DCLK1: variants seen among roughly 807,000 people sequenced by gnomAD.
DCLK1 encodes doublecortin like kinase 1, also known as serine/threonine-protein kinase DCLK1.
DCLK1 carries 16 observed loss-of-function variants against 86.2 expected under a neutral mutation model. The observed-to-expected ratio is 0.19, with a 90% CI of 0.13 to 0.28. The LOEUF is 0.28. DCLK1 is among the 10% of genes least tolerant of loss of function. DCLK1 has a pLI of 1.00. For missense variants in DCLK1, 590 were observed against 940.2 expected, an observed-to-expected ratio of 0.63 and a Z score of 4.87; for synonymous variants, 369 against 370.5, an observed-to-expected ratio of 1.00 and a Z score of 0.05.
At chr13:36,118,821 C>T (rs1464331292) in intron 2 of DCLK1, among the ~76,000 whole-genome samples, 1 of 152,128 alleles carries the variant, frequency 6.6e-6, no homozygotes, top group Non-Finnish European at 1.5e-5. Context: ...GCTGGGAAGT[C>T]CAAGATCAAG....
chr13:35,869,157 G>C, intron 5 of DCLK1: 1 of 506,878 alleles, frequency 2.0e-6, no homozygotes, highest in South Asian at 1.5e-5. Context: ...ATCCTCCACA[G>C]AGCTCAATAT....
intron 1 of DCLK1, among the ~76,000 whole-genome samples, chr13:36,130,818 C>T (rs957165249): frequency 2.0e-5 from 3 of 152,202 alleles, no homozygotes; most frequent in Non-Finnish European, 2.9e-5. Flanking sequence ...CCACTAACAA[C>T]GCGAAAAGCC....
At chr13:35,928,015 G>C (rs1876223900) in intron 4 of DCLK1, among the ~76,000 whole-genome samples, 1 of 152,188 alleles carries the variant, frequency 6.6e-6, no homozygotes, top group Non-Finnish European at 1.5e-5. Context: ...ACCCCTGTCT[G>C]TCGCTTCAAC....
chr13:35,908,985 A>G (rs943577448), intron 4 of DCLK1, among the ~76,000 whole-genome samples: 2 of 152,202 alleles, frequency 1.3e-5, no homozygotes, highest in Non-Finnish European at 2.9e-5. Flanking sequence ...GCAATTTTTT[A>G]AAAAGATGTA....
chr13:35,946,721 T>C (rs1479245784), intron 4 of DCLK1, among the ~76,000 whole-genome samples: 6 of 152,204 alleles, frequency 3.9e-5, no homozygotes, highest in Admixed American at 6.5e-5. Flanking sequence ...AGTGCTAAGA[T>C]TCTCAGATGA....
At chr13:35,807,079 T>A (rs1111726) in intron 14 of DCLK1, among the ~76,000 whole-genome samples, 1 of 152,042 alleles carries the variant, frequency 6.6e-6, no homozygotes, top group African/African-American at 2.4e-5. Flanking sequence ...CTCAAATTTT[T>A]AAACATTTAA....
intron 3 of DCLK1, among the ~76,000 whole-genome samples, chr13:36,085,248 T>G (rs1336399595): frequency 2.6e-5 from 4 of 152,216 alleles, no homozygotes; most frequent in African/African-American, 9.7e-5. Flanking sequence ...AATACATTTA[T>G]GCTGTAAACA....
intron 3 of DCLK1, among the ~76,000 whole-genome samples, chr13:36,049,279 T>C (rs1229026317): frequency 9.2e-5 from 14 of 152,184 alleles, no homozygotes; most frequent in Non-Finnish European, 1.5e-5. Context: ...TTAAGAAACA[T>C]GAGCATATTC....
At chr13:35,885,943 A>C (rs1873202658) in intron 4 of DCLK1, among the ~76,000 whole-genome samples, 1 of 151,988 alleles carries the variant, frequency 6.6e-6, no homozygotes, top group Non-Finnish European at 1.5e-5. Flanking sequence ...GAGATGTAAA[A>C]TTATAGTAGC....
At position 35,800,662 on chromosome 13, in the gene DCLK1, C is replaced by T. The variant is rs117371325; in HGVS notation, c.1944+5037G>A. On this transcript the variant is annotated intron_variant, in intron 15 of 16. Transcript: ENST00000360631. ...CGGAGTAGGTTTTCCTTTCTGCTGC[C>T]CTATGCTTTACTGTCTATTTTATAT... Among the ~76,000 whole-genome samples, 10 of 152,040 alleles carry T rather than the reference C, an allele frequency of 6.6e-5. No individual in the cohort carries two copies. The East Asian group carries it at 1.9e-3, about 29-fold the overall frequency.
At chr13:35,970,505 G>A (rs182679600) in intron 3 of DCLK1, among the ~76,000 whole-genome samples, 67 of 152,316 alleles carry the variant, frequency 4.4e-4, no homozygotes, top group African/African-American at 1.2e-3. Flanking sequence ...TGATTAGGCC[G>A]TGATGGTTCA....
chr13:35,943,695 T>C (rs941602820), intron 4 of DCLK1, among the ~76,000 whole-genome samples: 1 of 152,140 alleles, frequency 6.6e-6, no homozygotes, highest in Admixed American at 6.6e-5. Context: ...TGGACAAGAA[T>C]TGATATCCAG....
intron 3 of DCLK1, among the ~76,000 whole-genome samples, chr13:36,017,183 T>C (rs949381412): frequency 6.6e-6 from 1 of 152,206 alleles, no homozygotes; most frequent in African/African-American, 2.4e-5. Context: ...TCATAGCAAC[T>C]TTTAATACAG....
intron 3 of DCLK1, among the ~76,000 whole-genome samples, chr13:36,007,725 AAAG>A (rs1167812937): frequency 6.6e-6 from 1 of 152,232 alleles, no homozygotes; most frequent in Non-Finnish European, 1.5e-5. Flanking sequence ...AGAAAGAGCA[AAAG>A]AAGAACATAA....
At chr13:35,913,132 T>C (rs1027601421) in intron 4 of DCLK1, among the ~76,000 whole-genome samples, 2 of 152,200 alleles carry the variant, frequency 1.3e-5, no homozygotes, top group Non-Finnish European at 1.5e-5. Flanking sequence ...TCTTGTACCA[T>C]GCAGCTTGAT....
rs958079086 is a variant in DCLK1 at position 35,855,632 on chromosome 13, T to C, written c.941-1039A>G. 1.9e-5 allele frequency: 28 copies of C among 1,498,302 alleles called. No individual in the cohort carries two copies. The Admixed American group carries it at 5.3e-4, about 28-fold the overall frequency. 92.8% of individuals were successfully genotyped at this position (1,498,302 alleles called of 1,614,324 possible). ...GGAATCGGTTGGATGAGTTTAAGGA[T>C]GGCTAAGGCTGCTCCCAGAGCAGGC... On this transcript the variant is annotated intron_variant, in intron 5 of 16. Coordinates refer to ENST00000360631, the MANE Select transcript of DCLK1 (RefSeq NM_001330071.2).
intron 6 of DCLK1, among the ~76,000 whole-genome samples, chr13:35,851,694 C>T (rs1431443738): frequency 6.6e-6 from 1 of 152,172 alleles, no homozygotes; most frequent in Non-Finnish European, 1.5e-5. Flanking sequence ...ACTTAAATAA[C>T]TCTGCTTCGG....
At position 35,774,540 on chromosome 13, in the gene DCLK1, A is replaced by C; in HGVS notation, c.2218T>G (p.Phe740Val). 1 of 1,552,500 alleles carries C rather than the reference A, an allele frequency of 6.4e-7. No individual in the cohort carries two copies. Among genetic ancestry groups the C allele is most frequent in the Non-Finnish European group, 8.7e-7 (1 of 1,147,270 alleles). The change falls in exon 17 of 17, where the codon TTT becomes GTT. Residue 740 changes from phenylalanine (F) to valine (V), a missense_variant. Around this residue, in one of 6 missense-constraint regions of DCLK1, gnomAD observed 146 missense variants for 190.2 expected, o/e 0.77. Transcript: ENST00000360631. ...SETVRSPNSPF is the reference protein window; with the variant it reads ...SETVRSPNSPV ...CTTTGAGTAAAAGGGTCTTATTAAA[A>C]GGGCGAGTTAGGGGAGCGAACAGTC... is the stretch of plus-strand genomic sequence containing the variant.
intron 3 of DCLK1, among the ~76,000 whole-genome samples, chr13:36,035,701 C>T (rs138988635): frequency 6.6e-6 from 1 of 152,216 alleles, no homozygotes; most frequent in African/African-American, 2.4e-5. Flanking sequence ...ACCATGCTGG[C>T]TTGTGCTGAT....
Sources: allele counts gnomAD v4.1 joint callset (sites outside exome capture counted in the v4.1 genomes callset), GRCh38; gene constraint gnomAD v4.1.1; regional missense constraint gnomAD v4.1.1; transcripts MANE v1.5; gene names NCBI Gene and HGNC (gene_info 2026-07-23, HGNC 2026-07-21).